Variants in AKAP13 observed in about 807,000 individuals in gnomAD.
AKAP13 encodes the protein A-kinase anchoring protein 13.
A neutral mutation model predicts 264.5 loss-of-function variants in AKAP13; 80 were observed. That is an observed-to-expected ratio of 0.30 (90% CI 0.25 to 0.36). The LOEUF is 0.36. AKAP13 is among the 10% of genes least tolerant of loss of function. AKAP13 has a pLI of 1.00. For synonymous variants in AKAP13, 1,380 were observed against 1,250.2 expected (o/e 1.10, Z -2.19); for missense variants, 3,712 against 3,435.2 (o/e 1.08, Z -2.01).
chr15:85,715,235 A>G (rs965972582), intron 19 of AKAP13, among the ~76,000 whole-genome samples: 6 of 152,160 alleles, frequency 3.9e-5, no homozygotes, highest in African/African-American at 1.4e-4. Flanking sequence ...AGATAGATCT[A>G]TCTGTGTCAG....
chr15:85,465,437 G>T (rs2074695532), intron 1 of AKAP13, among the ~76,000 whole-genome samples: 1 of 149,720 alleles, frequency 6.7e-6, no homozygotes, highest in South Asian at 2.1e-4. Context: ...TGCCATGCTG[G>T]TGTGCCGCAC....
intron 8 of AKAP13, among the ~76,000 whole-genome samples, chr15:85,605,648 A>T: frequency 6.6e-6 from 1 of 152,234 alleles, no homozygotes; most frequent in East Asian, 1.9e-4. Flanking sequence ...AATTGTTTTA[A>T]AAAGGTACTG....
chr15:85,672,795 A>C (rs1249436722), intron 14 of AKAP13, among the ~76,000 whole-genome samples: 1 of 152,218 alleles, frequency 6.6e-6, no homozygotes, highest in Non-Finnish European at 1.5e-5. Flanking sequence ...TCATATAATG[A>C]GCACATGCTG....
intron 5 of AKAP13, among the ~76,000 whole-genome samples, chr15:85,549,611 G>T (rs1226123930): frequency 6.6e-6 from 1 of 152,142 alleles, no homozygotes; most frequent in African/African-American, 2.4e-5. Flanking sequence ...AAAGTAACTA[G>T]TCCAAGGCTA....
intron 11 of AKAP13, among the ~76,000 whole-genome samples, chr15:85,658,229 A>C (rs2083188339): frequency 6.6e-6 from 1 of 152,194 alleles, no homozygotes. Flanking sequence ...TTAAAGTGTT[A>C]AGAAAAACCC....
chr15:85,415,140 A>G lies in AKAP13; in HGVS notation c.-12+34342A>G, dbSNP rs935597607. On this transcript the variant is annotated intron_variant, in intron 1 of 36. Transcript: ENST00000394518. ...CAGCATCCCAGGAGTTTCAGAGGGA[A>G]ATACCTTTAAAAAAAAATGAGATGT... 29 of 773,196 alleles carry G rather than the reference A, an allele frequency of 3.8e-5. 1 individual carries two copies. The highest frequency in any genetic ancestry group is 3.3e-4 in the African/African-American group (19 of 57,518). The allele number at this position is 773,196 out of a possible 1,614,324, so 47.9% of individuals were successfully genotyped here.
intron 1 of AKAP13, among the ~76,000 whole-genome samples, chr15:85,437,911 C>G (rs1363880570): frequency 6.7e-6 from 1 of 149,610 alleles, no homozygotes; most frequent in Admixed American, 6.7e-5. Flanking sequence ...TGGCACAAGA[C>G]AGGGATGCCC....
chr15:85,686,182 C>T lies in AKAP13; in HGVS notation c.5289+1309C>T, dbSNP rs538093970. ...GTGTGTGTGTATGTGTGTGTGTGCA[C>T]GTGCATGCATGTGTGTGTGTGTGTG... On this transcript the variant is annotated intron_variant, in intron 16 of 36. Coordinates refer to ENST00000394518, the MANE Select transcript of AKAP13 (RefSeq NM_007200.5). Among the ~76,000 whole-genome samples the T allele has an allele frequency of 7.8e-4, 39 of 50,196 alleles. No homozygotes were observed. The East Asian group carries it at 0.023, about 29-fold the overall frequency. The allele number at this position is 50,196 out of a possible 152,430, so 32.9% of individuals were successfully genotyped here.
At chr15:85,665,575 A>G (rs557958170) in intron 13 of AKAP13, among the ~76,000 whole-genome samples, 2 of 152,316 alleles carry the variant, frequency 1.3e-5, no homozygotes, top group East Asian at 3.9e-4. Context: ...CATGTGCACA[A>G]CGTGCAGGTT....
intron 1 of AKAP13, among the ~76,000 whole-genome samples, chr15:85,484,679 G>A (rs1030987951): frequency 2.6e-5 from 4 of 152,176 alleles, no homozygotes; most frequent in African/African-American, 9.7e-5. Flanking sequence ...TGATCTGTGA[G>A]GATTGTAATA....
At position 85,718,090 on chromosome 15, in the gene AKAP13, C is replaced by A; in HGVS notation, c.5932C>A (p.Arg1978=). The A allele has an allele frequency of 6.2e-7, 1 of 1,614,036 alleles. No individual in the cohort carries two copies. Among genetic ancestry groups the A allele is most frequent in the Admixed American group, 1.7e-5 (1 of 60,024 alleles). Residue 1978 remains arginine (R), a synonymous_variant, in exon 22 of 37, where the codon CGG becomes AGG. Transcript: ENST00000394518. This position sits in a 1 kb window ranked among gnomAD's most constrained non-coding sequence, Gnocchi z 4.9. Reference sequence around the variant, plus strand: ...ACAGCTGGAAGCAGAGTCTTGGAGTCGGATAATAGACAGCAAGTTTCTAAA... The same window carrying A: ...ACAGCTGGAAGCAGAGTCTTGGAGTAGGATAATAGACAGCAAGTTTCTAAA... The part of the protein sequence containing the change: ...SKQLEAESWS[R]IIDSKFLKQQ...
Position 85,639,446 on chromosome 15 carries a change from C to G in AKAP13, c.4234C>G (p.Pro1412Ala). 2 of 1,610,648 alleles carry G rather than the reference C, an allele frequency of 1.2e-6. No homozygotes were observed. The highest frequency in any genetic ancestry group is 1.7e-6 in the Non-Finnish European group (2 of 1,177,392). Residue 1412 changes from proline to alanine, a missense_variant, in exon 9 of 37, where the codon CCA becomes GCA. Physicochemically the swap from Pro to Ala is conservative, Grantham distance 27. Coordinates refer to ENST00000394518, the MANE Select transcript of AKAP13 (RefSeq NM_007200.5). ...AASLLASKQS[P>A]ECENFLDVGL... ...ATCTCTTCTGGCTTCCAAGCAGAGCCCAGGTAAGCTGAGATTATCCATTCA... is the reference window on the plus strand; with the variant it reads ...ATCTCTTCTGGCTTCCAAGCAGAGCGCAGGTAAGCTGAGATTATCCATTCA...
intron 19 of AKAP13, among the ~76,000 whole-genome samples, chr15:85,713,217 C>G (rs1185093949): frequency 2.0e-5 from 3 of 152,186 alleles, no homozygotes; most frequent in Non-Finnish European, 4.4e-5. Flanking sequence ...CCCCCCTATG[C>G]TGGCTTTTAG....
At chr15:85,744,370 A>G (rs2089293456) in intron 36 of AKAP13, 8 of 466,816 alleles carry the variant, frequency 1.7e-5, no homozygotes, top group South Asian at 1.1e-4. Flanking sequence ...GGGAGGTTAA[A>G]GAAAAAGTAC....
In AKAP13 at chr15:85,710,616, C is replaced by T; in HGVS notation, c.5570C>T (p.Ser1857Leu). 1 of 1,614,006 alleles carries T rather than the reference C, an allele frequency of 6.2e-7. No homozygotes were observed. Among genetic ancestry groups the T allele is most frequent in the Non-Finnish European group, 8.5e-7 (1 of 1,179,920 alleles). ...AGCCTTCAGGCACATGACACATCAT[C>T]ACTGCCCACGGTCATTATGAGAAAC... Reference protein sequence around the residue: ...KGSLQAHDTSSLPTVIMRNKP... With the variant: ...KGSLQAHDTSLLPTVIMRNKP... The change falls in exon 19 of 37, where the codon TCA (serine) becomes TTA (leucine). Residue 1857 changes from serine (S) to leucine (L), a missense_variant. Ser to Leu is a moderately radical substitution (Grantham distance 145). Around this residue, in one of 3 missense-constraint regions of AKAP13, gnomAD observed 2,759 missense variants for 2,411.7 expected, o/e 1.14. Transcript: ENST00000394518.
At chr15:85,648,051 T>G (rs1567174044) in intron 10 of AKAP13, among the ~76,000 whole-genome samples, 1 of 152,328 alleles carries the variant, frequency 6.6e-6, no homozygotes, top group Non-Finnish European at 1.5e-5. Context: ...TATCAGAATT[T>G]AGGTAATTTC....
chr15:85,406,685 T>C (rs2071684638), intron 1 of AKAP13, among the ~76,000 whole-genome samples: 1 of 151,674 alleles, frequency 6.6e-6, no homozygotes, highest in South Asian at 2.1e-4. Context: ...ATGTTATTTG[T>C]GTTACTGTTT....
At chr15:85,548,525 C>A (rs771907220) in intron 5 of AKAP13, among the ~76,000 whole-genome samples, 39 of 152,092 alleles carry the variant, frequency 2.6e-4, no homozygotes, top group Non-Finnish European at 5.4e-4. Flanking sequence ...GTCACCTATC[C>A]ACTGAGTCTC....
chr15:85,739,400 T>C (rs1338150496), intron 33 of AKAP13, among the ~76,000 whole-genome samples: 5 of 152,258 alleles, frequency 3.3e-5, no homozygotes, highest in Non-Finnish European at 5.9e-5. Context: ...TGTTATGCTA[T>C]TGGCCATTTA....
Sources: allele counts gnomAD v4.1 joint callset (sites outside exome capture counted in the v4.1 genomes callset), GRCh38; gene constraint gnomAD v4.1.1; regional missense constraint gnomAD v4.1.1; non-coding constraint Gnocchi (gnomAD v3.1); transcripts MANE v1.5; gene names NCBI Gene and HGNC (gene_info 2026-07-23, HGNC 2026-07-21).